ADAM28: variants seen among roughly 807,000 people sequenced by gnomAD.
ADAM28 encodes disintegrin and metalloproteinase domain-containing protein 28.
Under a neutral mutation model 101.2 loss-of-function variants are expected in ADAM28, and 105 were observed. That is an observed-to-expected ratio of 1.04 (90% CI 0.89 to 1.22). The LOEUF is 1.22. Among genes scored for constraint, ADAM28 ranks in the 50% most tolerant of loss-of-function variants. The pLI is 0.00. For missense variants in ADAM28, 1,028 were observed against 945.4 expected (o/e 1.09, Z -1.15); for synonymous variants, 322 against 310.6 (o/e 1.04, Z -0.39).
chr8:24,352,636 CATACAGTTT>C (rs1341694039), intron 21 of ADAM28, among the ~76,000 whole-genome samples: 1 of 152,138 alleles, frequency 6.6e-6, no homozygotes, highest in Non-Finnish European at 1.5e-5. Context: ...GTGACACAAA[CATACAGTTT>C]ATAGCAATCA....
intron 2 of ADAM28, 113 bp from the exon 3 acceptor site, chr8:24,309,781 G>C: frequency 4.1e-6 from 3 of 731,318 alleles, no homozygotes; most frequent in Non-Finnish European, 6.8e-6. Context: ...GCAAGTATTT[G>C]GTATTATACT....
intron 2 of ADAM28, among the ~76,000 whole-genome samples, chr8:24,301,429 A>T (rs1370222589): frequency 2.0e-5 from 3 of 152,212 alleles, no homozygotes; most frequent in Non-Finnish European, 4.4e-5. Flanking sequence ...CATGCGATTT[A>T]CCTGTATAAC....
rs267601863 is a variant in ADAM28 at position 24,335,574 on chromosome 8, G to A, written c.1500G>A (p.Gly500=). Residue 500 remains glycine (G), a synonymous_variant, in exon 14 of 23, where the codon GGG becomes GGA. Coordinates refer to ENST00000265769, the MANE Select transcript of ADAM28 (RefSeq NM_014265.6). The stretch of plus-strand genomic sequence containing the variant: ...TCAATGGCTTCCCTTGCCATCACGG[G>A]AAGGGCCACTGCTTGATGGGGACAT... The part of the protein sequence containing the change: ...FQVNGFPCHH[G]KGHCLMGTCP... The A allele has an allele frequency of 1.2e-6, 2 of 1,613,906 alleles. No individual in the cohort carries two copies. The highest frequency in any genetic ancestry group is 3.3e-5 in the Admixed American group (2 of 60,010).
At chr8:24,334,926 G>A (rs1813818077) in intron 13 of ADAM28, among the ~76,000 whole-genome samples, 1 of 152,182 alleles carries the variant, frequency 6.6e-6, no homozygotes, top group African/African-American at 2.4e-5. Flanking sequence ...TATGGAAGAA[G>A]TGAGTTGAAA....
intron 2 of ADAM28, chr8:24,308,750 A>G (rs976368426): frequency 1.3e-5 from 6 of 455,124 alleles, no homozygotes; most frequent in African/African-American, 4.0e-5. Context: ...AGACCTCAAC[A>G]ACTGAGGATT....
chr8:24,324,145 T>A, intron 9 of ADAM28, 142 bp downstream of exon 9: 3 of 646,556 alleles, frequency 4.6e-6, no homozygotes, highest in Non-Finnish European at 7.0e-6. Flanking sequence ...ATGCTCTTAT[T>A]TTGGATCCAA....
Position 24,357,705 on chromosome 8 carries a change from C to T in ADAM28, c.*3301C>T, listed in dbSNP as rs546602642. 1 of 152,054 alleles carries T rather than the reference C, an allele frequency of 6.6e-6. No individual in the cohort carries two copies. The highest frequency in any genetic ancestry group is 1.5e-5 in the Non-Finnish European group (1 of 68,004). The allele number at this position is 152,054 out of a possible 1,614,324, so 9.4% of individuals were successfully genotyped here. On this transcript the variant is annotated 3_prime_UTR_variant, in exon 23 of 23. Coordinates refer to ENST00000265769, the MANE Select transcript of ADAM28 (RefSeq NM_014265.6). ...CAAACCATATAATGTTTTAAATGCT[C>T]CAGATAGGTTTAGGTAAAATTAACT...
chr8:24,324,606 G>GAACT (rs1812301759), intron 9 of ADAM28, among the ~76,000 whole-genome samples: 1 of 151,970 alleles, frequency 6.6e-6, no homozygotes, highest in East Asian at 1.9e-4. Context: ...GGAAATCAGT[G>GAACT]AACTATGTCC....
rs111554654 is a variant in ADAM28 at position 24,311,010 on chromosome 8, G to A, written c.307-351G>A. 8.4e-3 allele frequency among the ~76,000 whole-genome samples: 1,272 copies of A among 152,190 alleles called. 18 individuals are homozygous for A. Among genetic ancestry groups the A allele is most frequent in the African/African-American group, 0.029 (1,210 of 41,512 alleles). On this transcript the variant is annotated intron_variant, in intron 4 of 22. Coordinates refer to ENST00000265769, the MANE Select transcript of ADAM28 (RefSeq NM_014265.6). ...AAAGCTTGTAGATCTTTGCTAGAAA[G>A]AAGTTAATGAGAAAATGGCCAAAAG...
At chr8:24,345,902 T>C (rs7824150) in intron 18 of ADAM28, among the ~76,000 whole-genome samples, 11,616 of 152,150 alleles carry the variant, frequency 0.076, 805 homozygotes, top group African/African-American at 0.18. Flanking sequence ...TTTTCTCAAC[T>C]TATTCTGTTT....
intron 6 of ADAM28, among the ~76,000 whole-genome samples, chr8:24,317,133 A>T (rs755882033): frequency 4.6e-5 from 7 of 152,068 alleles, no homozygotes; most frequent in Non-Finnish European, 8.8e-5. Flanking sequence ...TAAAGCAATG[A>T]GTAGATTCAA....
In ADAM28 at chr8:24,320,315, T is replaced by C. The variant is rs1051114778; in HGVS notation, c.648+8T>C. 9.5e-6 allele frequency: 15 copies of C among 1,574,440 alleles called. No homozygotes were observed. Among genetic ancestry groups the C allele is most frequent in the Middle Eastern group, 3.4e-4 (2 of 5,962 alleles). On this transcript the variant is annotated splice_region_variant and intron_variant, in intron 7 of 22. Coordinates refer to ENST00000265769, the MANE Select transcript of ADAM28 (RefSeq NM_014265.6). Reference sequence around the variant, plus strand: ...GTCCTGGATAATGGTGAGGTAATTATATGAGATAAATGTGCTGTCTTCCAA... The same window carrying C: ...GTCCTGGATAATGGTGAGGTAATTACATGAGATAAATGTGCTGTCTTCCAA...
chr8:24,326,869 CAAT>C lies in ADAM28; in HGVS notation c.972+237_972+239del, dbSNP rs531147531. 3.0e-3 allele frequency among the ~76,000 whole-genome samples: 453 copies of C among 152,064 alleles called. 5 individuals carry two copies. The highest frequency in any genetic ancestry group is 2.5e-4 in the Non-Finnish European group (17 of 67,942). Reference sequence around the variant, plus strand: ...CATGAAGTTTTTAGCTACAAACTCTCAATAAACTAGGTATTGAAGGAACATATC... The same window carrying C: ...CATGAAGTTTTTAGCTACAAACTCTCAAACTAGGTATTGAAGGAACATATC... On this transcript the variant is annotated intron_variant, in intron 10 of 22. Transcript: ENST00000265769.
chr8:24,326,542 C>T lies in ADAM28; in HGVS notation c.891-12C>T, dbSNP rs1349290711. The T allele has an allele frequency of 6.2e-7, 1 of 1,609,302 alleles. No homozygotes were observed. Among genetic ancestry groups the T allele is most frequent in the South Asian group, 1.1e-5 (1 of 90,598 alleles). On this transcript the variant is annotated splice_polypyrimidine_tract_variant and intron_variant, in intron 9 of 22. Coordinates refer to ENST00000265769, the MANE Select transcript of ADAM28 (RefSeq NM_014265.6). ...TTATAATTTGTTACATCAATTTATT[C>T]CTTTCTTGCAGAGCAACAGAACTTG...
In ADAM28 at chr8:24,313,389, G is replaced by C; in HGVS notation, c.385G>C (p.Gly129Arg). The change falls in exon 6 of 23, where the codon GGC (glycine) becomes CGC (arginine). Residue 129 changes from glycine (G) to arginine (R), a missense_variant and splice_region_variant. Transcript: ENST00000265769. ...ASISTCRGLR[G>R]YFSQGDQRYF... ...GCCAGAACTCTCATGTTTTTTCAGG[G>C]GCTACTTCAGTCAGGGGGATCAAAG... 1 of 1,604,278 alleles carries C rather than the reference G, an allele frequency of 6.2e-7. No individual in the cohort carries two copies. Among genetic ancestry groups the C allele is most frequent in the Non-Finnish European group, 8.5e-7 (1 of 1,176,150 alleles).
intron 1 of ADAM28, among the ~76,000 whole-genome samples, chr8:24,297,383 C>T (rs1332786187): frequency 1.3e-5 from 2 of 152,124 alleles, no homozygotes. Context: ...TTTGTGTTGG[C>T]TAGATGAGCC....
Position 24,339,560 on chromosome 8 carries a change from CAAA to C in ADAM28, c.1663_1665del (p.Lys555del), listed in dbSNP as rs745555757. On this transcript the variant is annotated inframe_deletion, in exon 15 of 23. Transcript: ENST00000265769. ...GAGTGGATGACACACTCATTCCCTG[CAAA>C]GCAAAGTAAGTGGCCTTGTCTGAAC... 1.2e-6 allele frequency: 2 copies of C among 1,611,244 alleles called. No homozygotes were observed. Among genetic ancestry groups the C allele is most frequent in the African/African-American group, 2.7e-5 (2 of 74,832 alleles).
chr8:24,343,292 G>C, intron 17 of ADAM28, 111 bp downstream of exon 17: 1 of 1,337,924 alleles, frequency 7.5e-7, no homozygotes, highest in Non-Finnish European at 1.0e-6. Flanking sequence ...TAATTACTAA[G>C]TTTATCCAAG....
chr8:24,332,788 A>G, intron 13 of ADAM28, 39 bp downstream of exon 13: 1 of 1,096,564 alleles, frequency 9.1e-7, no homozygotes. Flanking sequence ...TTATGATTAC[A>G]TTTTTATACA....
Sources: gnomAD v4.1 joint callset for allele counts (sites outside exome capture counted in the v4.1 genomes callset) on GRCh38, gnomAD v4.1.1 for gene constraint, MANE v1.5 for transcripts, NCBI Gene and HGNC (gene_info 2026-07-23, HGNC 2026-07-21) for gene names.